The following SMCO2 variants were observed in gnomAD, a reference collection of about 807,000 sequenced individuals.
The protein encoded by SMCO2 is single-pass membrane protein with coiled-coil domains 2, also known as single-pass membrane and coiled-coil domain-containing protein 2.
Under a neutral mutation model 29.5 loss-of-function variants are expected in SMCO2, and 25 were observed. The observed-to-expected ratio is 0.85, with a 90% confidence interval of 0.62 to 1.18. The LOEUF (loss-of-function observed/expected upper bound fraction) is 1.18, where lower values mean the gene tolerates loss of function less well. Ranked by LOEUF, SMCO2 falls within the 50% of genes most tolerant of loss-of-function variation. The pLI is 0.00. For missense variants in SMCO2, 348 were observed against 344.5 expected (o/e 1.01, Z -0.08); for synonymous variants, 117 against 123.3 (o/e 0.95, Z 0.34).
chr12:27,480,917 C>T (rs905693437), intron 4 of SMCO2, among the ~76,000 whole-genome samples: 2 of 152,156 alleles, frequency 1.3e-5, no homozygotes, highest in Non-Finnish European at 2.9e-5. Flanking sequence ...AATGCAAGAA[C>T]AGACTAACAC....
chr12:27,500,299 C>A (rs1943061475), intron 7 of SMCO2, among the ~76,000 whole-genome samples: 1 of 149,156 alleles, frequency 6.7e-6, no homozygotes, highest in Non-Finnish European at 1.5e-5. Context: ...TTTAACTGTA[C>A]CAAGAGTATT....
At chr12:27,427,326 G>A in the SMCO2 span, among the ~76,000 whole-genome samples, 124 of 152,304 alleles carry the variant, frequency 8.1e-4, no homozygotes, top group Admixed American at 5.6e-3. Flanking sequence ...CTTGGAGCTT[G>A]GGAATTTGCA....
chr12:27,468,267 C>G (rs557286371), intron 1 of SMCO2, among the ~76,000 whole-genome samples: 1 of 152,290 alleles, frequency 6.6e-6, no homozygotes, highest in Admixed American at 6.5e-5. Context: ...AGGTGATAGT[C>G]TAGAACAGGG....
At chr12:27,449,211 T>C in the SMCO2 span, among the ~76,000 whole-genome samples, 6 of 152,336 alleles carry the variant, frequency 3.9e-5, no homozygotes, top group African/African-American at 1.4e-4. Flanking sequence ...GCTAGCGTTA[T>C]TAGATAAGCC....
chr12:27,433,363 T>C, the SMCO2 span, among the ~76,000 whole-genome samples: 184 of 152,296 alleles, frequency 1.2e-3, no homozygotes, highest in African/African-American at 4.2e-3. Flanking sequence ...AACAATGTAG[T>C]CATTCCTCAG....
At chr12:27,457,548 A>G in the SMCO2 span, among the ~76,000 whole-genome samples, 1 of 152,238 alleles carries the variant, frequency 6.6e-6, no homozygotes, top group South Asian at 2.1e-4. Flanking sequence ...GGGTCTTGGA[A>G]GTCCCAGCCT....
chr12:27,501,954 G>C (rs2135586509), exon 8 of SMCO2: 1 of 1,544,248 alleles, frequency 6.5e-7, no homozygotes, highest in South Asian at 1.2e-5. Context: ...CATCATGTTT[G>C]ATGTCCTCAC....
chr12:27,438,235 C>A, the SMCO2 span, among the ~76,000 whole-genome samples: 3 of 152,308 alleles, frequency 2.0e-5, no homozygotes, highest in Admixed American at 6.5e-5. Context: ...ACCCGCTGGC[C>A]ATTCAAATGT....
intron 4 of SMCO2, among the ~76,000 whole-genome samples, chr12:27,485,248 A>G (rs1949679156): frequency 6.6e-6 from 1 of 151,232 alleles, no homozygotes; most frequent in Admixed American, 6.6e-5. Context: ...CCTCCAGTGT[A>G]TTTTTCATCT....
At chr12:27,448,768 T>G in the SMCO2 span, among the ~76,000 whole-genome samples, 9 of 152,206 alleles carry the variant, frequency 5.9e-5, no homozygotes, top group Admixed American at 2.0e-4. Flanking sequence ...GAGAAAGGTC[T>G]TATGGTCTTA....
chr12:27,490,288 A>G (rs1048993467), intron 5 of SMCO2, among the ~76,000 whole-genome samples: 4 of 152,250 alleles, frequency 2.6e-5, no homozygotes, highest in Non-Finnish European at 4.4e-5. Context: ...GCTTCTGTTT[A>G]TGTAACTCTG....
the SMCO2 span, among the ~76,000 whole-genome samples, chr12:27,455,947 C>T: frequency 6.6e-6 from 1 of 152,262 alleles, no homozygotes; most frequent in African/African-American, 2.4e-5. Flanking sequence ...CAGTGGCTCA[C>T]ACCTGCAATC....
At position 27,495,730 on chromosome 12, in the gene SMCO2, A is replaced by G. The variant is rs910417901; in HGVS notation, c.558A>G (p.Gln186=). ...TGAGTGCAAAGCTAAGGATGTATCA[A>G]ATGGAGGCAGAGGACACTGACTCTC... The change falls in exon 7 of 8, where the codon CAA becomes CAG. Residue 186 remains glutamine, a synonymous_variant. Coordinates refer to ENST00000298876, the Ensembl canonical transcript of SMCO2. 2.1e-5 allele frequency: 33 copies of G among 1,535,226 alleles called. 2 individuals are homozygous for G. Among genetic ancestry groups the G allele is most frequent in the Admixed American group, 3.9e-5 (2 of 50,724 alleles).
the SMCO2 span, among the ~76,000 whole-genome samples, chr12:27,448,971 G>A: frequency 6.6e-6 from 1 of 152,202 alleles, no homozygotes; most frequent in Non-Finnish European, 1.5e-5. Flanking sequence ...AGAAAGAGAA[G>A]GCAAGCGGTG....
At chr12:27,488,489 G>C in exon 5 of SMCO2, 1 of 1,538,190 alleles carries the variant, frequency 6.5e-7, no homozygotes, top group Non-Finnish European at 8.8e-7. Context: ...ACCCTGAAGG[G>C]TCAAATTGAA....
intron 4 of SMCO2, among the ~76,000 whole-genome samples, chr12:27,485,790 C>T (rs1393970839): frequency 1.3e-5 from 2 of 152,120 alleles, no homozygotes; most frequent in African/African-American, 4.8e-5. Context: ...CTTTGCATGC[C>T]TAGTAATTCT....
rs866972853 is a variant in SMCO2 at position 27,488,361 on chromosome 12, A to G, written c.363-99A>G. 33 of 743,424 alleles carry G rather than the reference A, an allele frequency of 4.4e-5. No individual in the cohort carries two copies. In the Middle Eastern group the frequency reaches 4.8e-3, roughly 109 times the overall value. The allele number at this position is 743,424 out of a possible 1,614,324, so 46.1% of individuals were successfully genotyped here. ...ACAAGCACTACCAAAGCATCCTTTTATATGGGAATGGTATTTCATTTTTGA... is the reference window on the plus strand; with the variant it reads ...ACAAGCACTACCAAAGCATCCTTTTGTATGGGAATGGTATTTCATTTTTGA... On this transcript the variant is annotated intron_variant, in intron 4 of 7. Coordinates refer to ENST00000298876, the Ensembl canonical transcript of SMCO2.
the SMCO2 span, among the ~76,000 whole-genome samples, chr12:27,443,797 A>G: frequency 6.6e-6 from 1 of 152,242 alleles, no homozygotes; most frequent in Non-Finnish European, 1.5e-5. Flanking sequence ...GGAAAACAAT[A>G]AAATTCTGAT....
At chr12:27,481,404 A>G (rs1360485749) in intron 4 of SMCO2, among the ~76,000 whole-genome samples, 2 of 152,200 alleles carry the variant, frequency 1.3e-5, no homozygotes, top group African/African-American at 4.8e-5. Flanking sequence ...TCTAATGGAG[A>G]GTTCCTCCTG....
Sources: gnomAD v4.1 joint callset for allele counts (sites outside exome capture counted in the v4.1 genomes callset) on GRCh38, gnomAD v4.1.1 for gene constraint, MANE v1.5 for transcripts, NCBI Gene and HGNC (gene_info 2026-07-23, HGNC 2026-07-21) for gene names.